SGK1: variants seen among roughly 807,000 people sequenced by gnomAD.
SGK1 encodes the protein serine/threonine-protein kinase Sgk1.
SGK1 carries 26 observed loss-of-function variants against 64.2 expected under a neutral mutation model. The observed-to-expected ratio is 0.40, with a 90% confidence interval of 0.30 to 0.56. The LOEUF is 0.56. Among genes scored for constraint, SGK1 ranks in the 20% least tolerant of loss-of-function variants. The pLI is 0.38. For synonymous variants in SGK1, 265 were observed against 239.7 expected (o/e 1.11, Z -0.98); for missense variants, 519 against 645.6 (o/e 0.80, Z 2.12).
Position 134,191,705 on chromosome 6 carries a change from G to C in SGK1, c.361+15651C>G, listed in dbSNP as rs183741247. Among the ~76,000 whole-genome samples the C allele has an allele frequency of 3.3e-5, 5 of 149,522 alleles. No individual in the cohort carries two copies. In the Admixed American group the frequency reaches 3.3e-4, roughly 10 times the overall value. ...TTTTTTTGAGACGAAGTCTCACTCT[G>C]TCGCCCAGGCTGGAGTGCAGTGGCG... On this transcript the variant is annotated intron_variant, in intron 3 of 13. Transcript: ENST00000367858.
intron 2 of SGK1, chr6:134,215,190 A>T: frequency 2.4e-6 from 1 of 408,944 alleles, no homozygotes; most frequent in South Asian, 1.8e-5. Flanking sequence ...TGGCTGGCTG[A>T]CTACAACCTC....
At chr6:134,303,210 G>A (rs929765953) in intron 1 of SGK1, among the ~76,000 whole-genome samples, 3 of 151,890 alleles carry the variant, frequency 2.0e-5, no homozygotes, top group South Asian at 2.1e-4. Context: ...TGGCTAACAC[G>A]GTGACACCCA....
chr6:134,172,433 G>A, intron 9 of SGK1, 117 bp from the exon 10 acceptor site: 2 of 1,057,434 alleles, frequency 1.9e-6, no homozygotes, highest in Non-Finnish European at 2.8e-6. Flanking sequence ...TAGTTGTGTA[G>A]TGAAGAAAAA....
intron 2 of SGK1, among the ~76,000 whole-genome samples, chr6:134,214,655 A>G (rs201164511): frequency 3.8e-5 from 1 of 26,246 alleles, no homozygotes; most frequent in African/African-American, 6.6e-5. Flanking sequence ...TCTGAAAAAC[A>G]GAATATGTGC....
chr6:134,274,159 A>G (rs939086233), intron 1 of SGK1, among the ~76,000 whole-genome samples: 1 of 152,048 alleles, frequency 6.6e-6, no homozygotes, highest in Non-Finnish European at 1.5e-5. Context: ...GCCTGCCACC[A>G]CACCCGGCTA....
intron 2 of SGK1, among the ~76,000 whole-genome samples, chr6:134,245,087 T>C (rs1292146716): frequency 6.6e-6 from 1 of 152,218 alleles, no homozygotes; most frequent in Non-Finnish European, 1.5e-5. Flanking sequence ...TAAACAATAG[T>C]TTTAAAAACC....
At chr6:134,250,304 G>A (rs557123648) in intron 2 of SGK1, among the ~76,000 whole-genome samples, 2 of 152,138 alleles carry the variant, frequency 1.3e-5, no homozygotes, top group African/African-American at 2.4e-5. Context: ...ACTCAAGGTC[G>A]ATAAGAAAAG....
At chr6:134,256,094 T>TTA (rs1776679566) in intron 2 of SGK1, among the ~76,000 whole-genome samples, 1 of 151,680 alleles carries the variant, frequency 6.6e-6, no homozygotes, top group South Asian at 2.1e-4. Context: ...TTTCCTTTTT[T>TTA]TTTTTTTGTA....
In SGK1 at chr6:134,170,232, C is replaced by A; in HGVS notation, c.*36G>T. ...AGGCTAACTAAAACATTCGGAAACA[C>A]ACATAAAATCCTTTAAAACCAAGCC... On this transcript the variant is annotated 3_prime_UTR_variant, in exon 14 of 14. Coordinates refer to ENST00000367858, the MANE Select transcript of SGK1 (RefSeq NM_001143676.3). 6.5e-7 allele frequency: 1 copy of A among 1,545,516 alleles called. No individual in the cohort carries two copies. The highest frequency in any genetic ancestry group is 8.8e-7 in the Non-Finnish European group (1 of 1,134,698).
intron 3 of SGK1, among the ~76,000 whole-genome samples, chr6:134,176,456 C>A (rs554607774): frequency 6.6e-6 from 1 of 152,344 alleles, no homozygotes; most frequent in Non-Finnish European, 1.5e-5. Context: ...AGTAACCCCG[C>A]GGCTGGGGGA....
chr6:134,280,270 A>C (rs757741981), intron 1 of SGK1, among the ~76,000 whole-genome samples: 2 of 151,896 alleles, frequency 1.3e-5, no homozygotes, highest in Non-Finnish European at 2.9e-5. Flanking sequence ...TCTCTGTATA[A>C]GGACATATCT....
chr6:134,192,679 C>A (rs1268721192), intron 3 of SGK1, among the ~76,000 whole-genome samples: 1 of 151,820 alleles, frequency 6.6e-6, no homozygotes, highest in Non-Finnish European at 1.5e-5. Flanking sequence ...AAGCGATTCC[C>A]CCACCTCAGC....
At chr6:134,264,274 C>T (rs9493876) in intron 1 of SGK1, among the ~76,000 whole-genome samples, 16,710 of 151,958 alleles carry the variant, frequency 0.11, 1,037 homozygotes, top group African/African-American at 0.18. Flanking sequence ...CACCTGCCAC[C>T]ATGCCTGGCT....
At chr6:134,289,622 G>A (rs913596648) in intron 1 of SGK1, among the ~76,000 whole-genome samples, 1 of 151,486 alleles carries the variant, frequency 6.6e-6, no homozygotes, top group Non-Finnish European at 1.5e-5. Context: ...TCCATACTGT[G>A]TTTAAAATCT....
chr6:134,284,445 G>A (rs569719442), intron 1 of SGK1, among the ~76,000 whole-genome samples: 39 of 151,636 alleles, frequency 2.6e-4, no homozygotes, highest in African/African-American at 9.2e-4. Flanking sequence ...CTCACACTTA[G>A]AAGTGAGAAC....
At chr6:134,209,648 T>A (rs150576479) in intron 2 of SGK1, among the ~76,000 whole-genome samples, 6 of 152,288 alleles carry the variant, frequency 3.9e-5, no homozygotes, top group Non-Finnish European at 8.8e-5. Flanking sequence ...ATTGTTTAGT[T>A]TCACCGACAT....
At chr6:134,219,570 G>A (rs939653940) in intron 2 of SGK1, among the ~76,000 whole-genome samples, 1 of 151,708 alleles carries the variant, frequency 6.6e-6, no homozygotes, top group Non-Finnish European at 1.5e-5. Flanking sequence ...AGACCAGCCT[G>A]ACCAACATGG....
chr6:134,302,087 T>G lies in SGK1; in HGVS notation c.69+15305A>C, dbSNP rs1016983526. ...TTCTAAAGATCATTCAGAGTGTTGA[T>G]GAGTTACATGGATTATGATTTTGAA... On this transcript the variant is annotated intron_variant, in intron 1 of 13. Transcript: ENST00000367858. 2.0e-5 allele frequency among the ~76,000 whole-genome samples: 3 copies of G among 152,246 alleles called. No homozygotes were observed. The East Asian group carries it at 5.8e-4, about 29-fold the overall frequency.
At chr6:134,213,211 C>T (rs959557261) in intron 2 of SGK1, among the ~76,000 whole-genome samples, 2 of 151,992 alleles carry the variant, frequency 1.3e-5, no homozygotes, top group Admixed American at 6.6e-5. Context: ...TTTGCAGAAG[C>T]GAGAAAATTT....
Sources: gnomAD v4.1 joint callset for allele counts (sites outside exome capture counted in the v4.1 genomes callset) on GRCh38, gnomAD v4.1.1 for gene constraint, MANE v1.5 for transcripts, NCBI Gene and HGNC (gene_info 2026-07-23, HGNC 2026-07-21) for gene names.